Variants in PLAGL1 observed in about 807,000 individuals in gnomAD.
PLAGL1 encodes the protein zinc finger protein PLAGL1.
Under a neutral mutation model 4.6 loss-of-function variants are expected in PLAGL1, and 1 was observed. The observed-to-expected ratio is 0.22, with a 90% confidence interval of 0.08 to 1.03. The LOEUF (loss-of-function observed/expected upper bound fraction) is 1.03. Among genes scored for constraint, PLAGL1 ranks in the 50% least tolerant of loss-of-function variants. The pLI, the probability that PLAGL1 is intolerant of heterozygous loss-of-function variation, is 0.58. For missense variants in PLAGL1, 464 were observed against 570.4 expected, an observed-to-expected ratio of 0.81 and a Z score of 1.90; for synonymous variants, 240 against 237.8, an observed-to-expected ratio of 1.01 and a Z score of -0.08.
chr6:143,985,392 G>C lies in PLAGL1; in HGVS notation c.-583-218C>G, dbSNP rs1265346919. Among the ~76,000 whole-genome samples the C allele has an allele frequency of 6.6e-6, 1 of 151,988 alleles. No individual in the cohort carries two copies. The highest frequency in any genetic ancestry group is 1.9e-4 in the East Asian group (1 of 5,178). On this transcript the variant is annotated intron_variant, in intron 1 of 7. Transcript: ENST00000674357. The surrounding 1 kb of genome is among the most constrained non-coding windows in gnomAD (Gnocchi z 4.4). Reference sequence around the variant, plus strand: ...GTCTATCGCGATTTCCCATTTAATTGTATTAGTGTGTTTTATAGTTTTATC... The same window carrying C: ...GTCTATCGCGATTTCCCATTTAATTCTATTAGTGTGTTTTATAGTTTTATC...
At chr6:144,044,923 G>A (rs1476598649) in intron 1 of PLAGL1, among the ~76,000 whole-genome samples, 1 of 150,654 alleles carries the variant, frequency 6.6e-6, no homozygotes, top group African/African-American at 2.4e-5. Flanking sequence ...TTACCATTAT[G>A]TAATGGCCTT....
chr6:144,020,374 G>A (rs566011451), intron 1 of PLAGL1, among the ~76,000 whole-genome samples: 6 of 151,840 alleles, frequency 4.0e-5, no homozygotes, highest in East Asian at 1.9e-4. Flanking sequence ...TGCAACCTCC[G>A]CCTCTCAGGT....
intron 1 of PLAGL1, among the ~76,000 whole-genome samples, chr6:144,038,587 T>C (rs1430856737): frequency 2.0e-5 from 3 of 151,878 alleles, no homozygotes; most frequent in Non-Finnish European, 4.4e-5. Flanking sequence ...GAAAGAATAG[T>C]TTTTTTTCAA....
chr6:143,981,866 T>G (rs1431064077), intron 2 of PLAGL1, among the ~76,000 whole-genome samples: 1 of 152,180 alleles, frequency 6.6e-6, no homozygotes, highest in Non-Finnish European at 1.5e-5. Flanking sequence ...ATAAGCAAAG[T>G]CAAACTACTA....
In PLAGL1 at chr6:144,006,397, TA is replaced by T. The variant is rs1794183688; in HGVS notation, c.-584+1692del. 1 of 152,234 alleles carries T rather than the reference TA, an allele frequency of 6.6e-6. No homozygotes were observed. Among genetic ancestry groups the T allele is most frequent in the Admixed American group, 6.5e-5 (1 of 15,288 alleles). The allele number at this position is 152,234 out of a possible 1,614,324, so 9.4% of individuals were successfully genotyped here. On this transcript the variant is annotated intron_variant, in intron 1 of 7. Transcript: ENST00000674357. This position sits in a 1 kb window ranked among gnomAD's most constrained non-coding sequence, Gnocchi z 4.3. ...TGTAACCATTGCACAGGTCAGGCGA[TA>T]AAGCATTTCCAGCATCTCTGAGCCC...
Position 143,976,715 on chromosome 6 carries a change from T to C in PLAGL1, c.-543-7737A>G, listed in dbSNP as rs113940429. On this transcript the variant is annotated intron_variant, in intron 2 of 7. Coordinates refer to ENST00000674357, the MANE Select transcript of PLAGL1 (RefSeq NM_001317162.2). ...GAGCTGGTGAAGTATGACAATTGTT[T>C]CTATCCTAAGAGCCGGGTTCCTTTT... is the stretch of plus-strand genomic sequence containing the variant. Among the ~76,000 whole-genome samples, 19 of 152,340 alleles carry C rather than the reference T, an allele frequency of 1.2e-4. 1 individual carries two copies. Among genetic ancestry groups the C allele is most frequent in the African/African-American group, 2.9e-4 (12 of 41,584 alleles).
chr6:143,977,363 T>C (rs1191294023), intron 2 of PLAGL1, among the ~76,000 whole-genome samples: 1 of 152,156 alleles, frequency 6.6e-6, no homozygotes, highest in Non-Finnish European at 1.5e-5. Context: ...TGCAGCCTTT[T>C]GAGACTGGCT....
Position 144,050,997 on chromosome 6 carries a change from T to C in PLAGL1, c.-151+13471A>G, listed in dbSNP as rs1158467612. Among the ~76,000 whole-genome samples, 1 of 152,198 alleles carries C rather than the reference T, an allele frequency of 6.6e-6. No individual in the cohort carries two copies. Among genetic ancestry groups the C allele is most frequent in the Non-Finnish European group, 1.5e-5 (1 of 68,032 alleles). ...AATCTGCTGACAAACATTTATAAAT[T>C]AAATGTAAAAATAAAATCTTAAATC... On this transcript the variant is annotated intron_variant, in intron 1 of 3. Transcript: ENST00000437412. The surrounding 1 kb of genome is among the most constrained non-coding windows in gnomAD (Gnocchi z 4.3).
intron 1 of PLAGL1, among the ~76,000 whole-genome samples, chr6:144,052,949 G>T (rs1798684386): frequency 1.3e-5 from 2 of 152,014 alleles, no homozygotes; most frequent in Admixed American, 6.6e-5. Context: ...TTCTTTCTTG[G>T]TATCATGAAC....
upstream of PLAGL1, among the ~76,000 whole-genome samples, chr6:144,012,150 T>C (rs1795233448): frequency 6.6e-6 from 1 of 152,188 alleles, no homozygotes; most frequent in Non-Finnish European, 1.5e-5. This position sits in a 1 kb window ranked among gnomAD's most constrained non-coding sequence, Gnocchi z 4.8. Flanking sequence ...TATAAGGTTG[T>C]ACTTTTTTCT....
rs1266220520 is a variant in PLAGL1, at chr6:144,036,478, C to G, written c.-151+27990G>C. On this transcript the variant is annotated intron_variant, in intron 1 of 3. Transcript: ENST00000437412. This position sits in a 1 kb window ranked among gnomAD's most constrained non-coding sequence, Gnocchi z 5.1. Reference sequence around the variant, plus strand: ...CCGAGCCTGCCCAGACAAGGGGACCCGCTACACAACTCCACACCCTCAGCA... The same window carrying G: ...CCGAGCCTGCCCAGACAAGGGGACCGGCTACACAACTCCACACCCTCAGCA... 6.2e-6 allele frequency: 1 copy of G among 160,114 alleles called. No individual in the cohort carries two copies. Among genetic ancestry groups the G allele is most frequent in the Non-Finnish European group, 1.4e-5 (1 of 73,496 alleles). 9.9% of individuals were successfully genotyped at this position (160,114 alleles called of 1,614,324 possible).
In PLAGL1 at chr6:144,059,879, C is replaced by A. The variant is rs1392992063; in HGVS notation, c.-151+4589G>T. Reference sequence around the variant, plus strand: ...GAGATAACCTCAAGGTTATTAGTACCTTTACTGTTTATTTCTCTGTCCCTA... The same window carrying A: ...GAGATAACCTCAAGGTTATTAGTACATTTACTGTTTATTTCTCTGTCCCTA... On this transcript the variant is annotated intron_variant, in intron 1 of 3. Transcript: ENST00000437412. The surrounding 1 kb of genome is among the most constrained non-coding windows in gnomAD (Gnocchi z 4.9). Among the ~76,000 whole-genome samples the A allele has an allele frequency of 6.6e-6, 1 of 152,100 alleles. No individual in the cohort carries two copies. The highest frequency in any genetic ancestry group is 2.4e-5 in the African/African-American group (1 of 41,406).
At position 144,063,715 on chromosome 6, in the gene PLAGL1, G is replaced by A. The variant is rs190671259; in HGVS notation, c.-151+753C>T. ...CATGAACACTCGGGAAGCCCCAGGG[G>A]TATCTCTGTCCTCGACACAGCAGGG... On this transcript the variant is annotated intron_variant, in intron 1 of 3. Coordinates refer to the PLAGL1 transcript ENST00000437412. This position sits in a 1 kb window ranked among gnomAD's most constrained non-coding sequence, Gnocchi z 5.7. Among the ~76,000 whole-genome samples the A allele has an allele frequency of 1.3e-5, 2 of 152,256 alleles. No individual in the cohort carries two copies. The highest frequency in any genetic ancestry group is 4.8e-5 in the African/African-American group (2 of 41,552).
intron 1 of PLAGL1, among the ~76,000 whole-genome samples, chr6:144,038,058 A>G (rs1797395194): frequency 1.3e-5 from 2 of 152,250 alleles, no homozygotes; most frequent in Non-Finnish European, 2.9e-5. Flanking sequence ...TGTCTAACAG[A>G]TAGTAGTTGG....
At chr6:144,010,759 A>G (rs1795118152), upstream of PLAGL1, among the ~76,000 whole-genome samples, 3 of 152,222 alleles carry the variant, frequency 2.0e-5, no homozygotes, top group African/African-American at 7.2e-5. The surrounding 1 kb of genome is among the most constrained non-coding windows in gnomAD (Gnocchi z 4.1). Context: ...AAACAGATAT[A>G]TGGACCAATG....
intron 1 of PLAGL1, among the ~76,000 whole-genome samples, chr6:144,019,627 C>A (rs1470100166): frequency 6.6e-6 from 1 of 152,028 alleles, no homozygotes; most frequent in Non-Finnish European, 1.5e-5. Flanking sequence ...GAGACAAATG[C>A]TGATGTAGTT....
chr6:144,008,737 C>G (rs769073336), upstream of PLAGL1: 1 of 152,316 alleles, frequency 6.6e-6, no homozygotes, highest in African/African-American at 2.4e-5. The surrounding 1 kb of genome is among the most constrained non-coding windows in gnomAD (Gnocchi z 6.9). Flanking sequence ...TAACTTACCT[C>G]CTGTGCCAGC....
rs1478849770 is a variant in PLAGL1 at position 143,959,386 on chromosome 6, T to C, written c.-325+1083A>G. Among the ~76,000 whole-genome samples, 2 of 152,126 alleles carry C rather than the reference T, an allele frequency of 1.3e-5. No homozygotes were observed. The highest frequency in any genetic ancestry group is 2.9e-5 in the Non-Finnish European group (2 of 68,024). On this transcript the variant is annotated intron_variant, in intron 6 of 7. Transcript: ENST00000674357. This position sits in a 1 kb window ranked among gnomAD's most constrained non-coding sequence, Gnocchi z 5.3. ...GGCTAGCACTCCTAGTCTTCTAATG[T>C]CAGGCACACTGTAAACAGAAGATAC...
At chr6:143,944,798 T>TC (rs1233854067) in intron 7 of PLAGL1, among the ~76,000 whole-genome samples, 1 of 148,460 alleles carries the variant, frequency 6.7e-6, no homozygotes, top group African/African-American at 2.5e-5. Context: ...TTTTTTTTTT[T>TC]CTGGCCCAGT....
Sources: gnomAD v4.1 joint callset for allele counts (sites outside exome capture counted in the v4.1 genomes callset) on GRCh38, gnomAD v4.1.1 for gene constraint, Gnocchi (gnomAD v3.1) non-coding constraint, MANE v1.5 for transcripts, NCBI Gene and HGNC (gene_info 2026-07-23, HGNC 2026-07-21) for gene names.